The following TEK variants were observed in gnomAD, a reference collection of about 807,000 sequenced individuals.
TEK encodes the protein TEK receptor tyrosine kinase, also known as angiopoietin-1 receptor.
TEK carries 43 observed loss-of-function variants against 131.8 expected under a neutral mutation model. The observed-to-expected ratio is 0.33, with a 90% confidence interval of 0.26 to 0.42. The LOEUF is 0.42. Ranked by LOEUF, TEK falls within the 10% of genes least tolerant of loss-of-function variation. The probability of loss-of-function intolerance (pLI) is 1.00; values close to 1 mark genes in which losing one functional copy is unlikely to be tolerated. For missense variants in TEK, 1,162 were observed against 1,384.4 expected, an observed-to-expected ratio of 0.84 and a Z score of 2.55; for synonymous variants, 580 against 491.6, an observed-to-expected ratio of 1.18 and a Z score of -2.38.
At chr9:27,158,776 C>T (rs1823437372) in intron 2 of TEK, among the ~76,000 whole-genome samples, 1 of 151,748 alleles carries the variant, frequency 6.6e-6, no homozygotes, top group Non-Finnish European at 1.5e-5. Flanking sequence ...TCTTCTGCCT[C>T]AGCCTCCCAA....
In TEK at chr9:27,153,881, C is replaced by T. The variant is rs190992930; in HGVS notation, c.53-3950C>T. Among the ~76,000 whole-genome samples, 279 of 152,290 alleles carry T rather than the reference C, an allele frequency of 1.8e-3. 3 individuals carry two copies. The highest frequency in any genetic ancestry group is 6.6e-3 in the African/African-American group (275 of 41,572). On this transcript the variant is annotated intron_variant, in intron 1 of 22. Transcript: ENST00000380036. Reference sequence around the variant, plus strand: ...CACGGACCACAGTTGTACTCGTTGTCGTGGAGCCTCTGCTCTATTCTTTCT... The same window carrying T: ...CACGGACCACAGTTGTACTCGTTGTTGTGGAGCCTCTGCTCTATTCTTTCT...
chr9:27,129,440 C>A (rs1175773519), intron 1 of TEK, among the ~76,000 whole-genome samples: 1 of 152,162 alleles, frequency 6.6e-6, no homozygotes, highest in Non-Finnish European at 1.5e-5. Flanking sequence ...CCCTACTATT[C>A]CTGGAAATTC....
At chr9:27,228,872 C>A (rs887134228) in intron 22 of TEK, among the ~76,000 whole-genome samples, 2 of 152,052 alleles carry the variant, frequency 1.3e-5, no homozygotes, top group African/African-American at 4.8e-5. Flanking sequence ...GAAGAAGGAA[C>A]CCTAGGGAAG....
rs541904224 is a variant in TEK at position 27,176,500 on chromosome 9, A to G, written c.901+3138A>G. Among the ~76,000 whole-genome samples the G allele has an allele frequency of 3.3e-5, 5 of 152,370 alleles. No homozygotes were observed. In the East Asian group the frequency reaches 7.7e-4, roughly 23 times the overall value. ...CTTATTAATAGTTCTTAACCTTTCT[A>G]CCATCTGCTTTGAGTAAGAAGTTGT... On this transcript the variant is annotated intron_variant, in intron 6 of 22. Transcript: ENST00000380036.
At position 27,192,516 on chromosome 9, in the gene TEK, A is replaced by T; in HGVS notation, c.1517A>T (p.Tyr506Phe). The T allele has an allele frequency of 6.2e-7, 1 of 1,613,992 alleles. No homozygotes were observed. The highest frequency in any genetic ancestry group is 1.3e-5 in the African/African-American group (1 of 75,022). ...ACAAATGAGATTGTTACACTCAACTATTTGGAACCTCGGACAGAATATGAA... is the reference window on the plus strand; with the variant it reads ...ACAAATGAGATTGTTACACTCAACTTTTTGGAACCTCGGACAGAATATGAA... ...QVTNEIVTLNYLEPRTEYELC... is the reference protein window; with the variant it reads ...QVTNEIVTLNFLEPRTEYELC... The change falls in exon 11 of 23, where the codon TAT becomes TTT. Residue 506 changes from tyrosine (Y) to phenylalanine (F), a missense_variant. Tyr to Phe is a conservative substitution (Grantham distance 22). Coordinates refer to ENST00000380036, the MANE Select transcript of TEK (RefSeq NM_000459.5).
intron 12 of TEK, among the ~76,000 whole-genome samples, chr9:27,201,636 C>G (rs1010561770): frequency 2.0e-5 from 3 of 152,124 alleles, no homozygotes; most frequent in Non-Finnish European, 4.4e-5. Flanking sequence ...ATACCTAATT[C>G]TCATAAATTG....
At position 27,190,593 on chromosome 9, in the gene TEK, C is replaced by T; in HGVS notation, c.1392C>T (p.Asn464=). 14 of 1,614,074 alleles carry T rather than the reference C, an allele frequency of 8.7e-6. No individual in the cohort carries two copies. The highest frequency in any genetic ancestry group is 1.1e-5 in the Non-Finnish European group (13 of 1,179,926). ...CTGGACATAACTTTGCTGTCATCAA[C>T]ATCAGCTCTGAGCCTTACTTTGGGG... ...IDTGHNFAVI[N]ISSEPYFGDG... The change falls in exon 10 of 23, where the codon AAC becomes AAT. Residue 464 remains asparagine, a synonymous_variant. Coordinates refer to ENST00000380036, the MANE Select transcript of TEK (RefSeq NM_000459.5).
At chr9:27,227,372 G>A (rs1439098429) in intron 21 of TEK, among the ~76,000 whole-genome samples, 1 of 152,198 alleles carries the variant, frequency 6.6e-6, no homozygotes, top group Non-Finnish European at 1.5e-5. Flanking sequence ...GATGCAAGGG[G>A]AAAGGAGTTC....
Position 27,203,134 on chromosome 9 carries a change from C to CAAGTATTT in TEK, c.2209+17_2209+24dup. The stretch of plus-strand genomic sequence containing the variant: ...AGAATCTCAAGGTTGGTTGAATGGA[C>CAAGTATTT]AAGTATTTACATAGGATTACCGTGC... On this transcript the variant is annotated intron_variant, in intron 13 of 22. Transcript: ENST00000380036. The CAAGTATTT allele has an allele frequency of 6.2e-7, 1 of 1,613,586 alleles. No individual in the cohort carries two copies. Among genetic ancestry groups the CAAGTATTT allele is most frequent in the Non-Finnish European group, 8.5e-7 (1 of 1,179,652 alleles).
chr9:27,203,036 A>T lies in TEK; in HGVS notation c.2126A>T (p.Gln709Leu). 6.2e-7 allele frequency: 1 copy of T among 1,614,150 alleles called. No individual in the cohort carries two copies. The highest frequency in any genetic ancestry group is 1.1e-5 in the South Asian group (1 of 91,082). Residue 709 changes from glutamine (Q) to leucine (L), a missense_variant, in exon 13 of 23, where the codon CAG becomes CTG. Gln to Leu is a moderately radical substitution (Grantham distance 113). This residue lies in a region of TEK where 477 missense variants were observed against 471.0 expected (regional missense o/e 1.01). Coordinates refer to ENST00000380036, the MANE Select transcript of TEK (RefSeq NM_000459.5). The stretch of plus-strand genomic sequence containing the variant: ...GGCCTAGAGCCTGAAACAGCATACC[A>T]GGTGGACATTTTTGCAGAGAACAAC... ...LKGLEPETAY[Q>L]VDIFAENNIG...
At chr9:27,183,685 G>T in intron 8 of TEK, 75 bp downstream of exon 8, 1 of 1,554,684 alleles carries the variant, frequency 6.4e-7, no homozygotes, top group Non-Finnish European at 8.9e-7. Flanking sequence ...CTAAATGATA[G>T]ATACCATTCA....
At chr9:27,143,975 G>C (rs1347368206) in intron 1 of TEK, among the ~76,000 whole-genome samples, 2 of 152,162 alleles carry the variant, frequency 1.3e-5, no homozygotes, top group Non-Finnish European at 2.9e-5. Flanking sequence ...CAGACAGGGA[G>C]TATAGCTCAT....
chr9:27,229,291 C>G lies in TEK; in HGVS notation c.*59C>G, dbSNP rs1826469892. On this transcript the variant is annotated 3_prime_UTR_variant, in exon 23 of 23. Coordinates refer to ENST00000380036, the MANE Select transcript of TEK (RefSeq NM_000459.5). ...CACTGGCATGGGAGACCCTTGACACCTGCTGAGAAAACATGCCTCTGCCAA... is the reference window on the plus strand; with the variant it reads ...CACTGGCATGGGAGACCCTTGACACGTGCTGAGAAAACATGCCTCTGCCAA... The G allele has an allele frequency of 2.0e-6, 3 of 1,534,720 alleles. No individual in the cohort carries two copies. Among genetic ancestry groups the G allele is most frequent in the South Asian group, 1.1e-5 (1 of 89,554 alleles).
intron 1 of TEK, among the ~76,000 whole-genome samples, chr9:27,115,127 T>C (rs1821499081): frequency 6.6e-6 from 1 of 152,178 alleles, no homozygotes; most frequent in African/African-American, 2.4e-5. Context: ...ATAAAGGTAT[T>C]TACAAAATCT....
chr9:27,228,898 G>C (rs1303808189), intron 22 of TEK, among the ~76,000 whole-genome samples: 1 of 152,110 alleles, frequency 6.6e-6, no homozygotes, highest in African/African-American at 2.4e-5. Flanking sequence ...CACATTAGGA[G>C]GTACCAATAA....
At chr9:27,219,143 G>C (rs1310681496) in intron 20 of TEK, among the ~76,000 whole-genome samples, 1 of 152,042 alleles carries the variant, frequency 6.6e-6, no homozygotes, top group Non-Finnish European at 1.5e-5. Context: ...CCATTTAATA[G>C]CATGTGAAAA....
Position 27,173,379 on chromosome 9 carries a change from C to G in TEK, c.901+17C>G, listed in dbSNP as rs767457409. On this transcript the variant is annotated intron_variant, in intron 6 of 22. Transcript: ENST00000380036. ...GCAATGAAGGTATGCACCAATCACA[C>G]CCTTGGACAGAGGATGTTCTAGCAG... is the stretch of plus-strand genomic sequence containing the variant. The G allele has an allele frequency of 1.2e-6, 2 of 1,613,660 alleles. No individual in the cohort carries two copies. Among genetic ancestry groups the G allele is most frequent in the South Asian group, 1.1e-5 (1 of 91,072 alleles).
intron 1 of TEK, among the ~76,000 whole-genome samples, chr9:27,117,218 G>A (rs1049675618): frequency 3.3e-5 from 5 of 152,076 alleles, no homozygotes; most frequent in African/African-American, 7.2e-5. Flanking sequence ...AACAGCCTCC[G>A]GGCCTGACAC....
At chr9:27,119,893 G>A (rs1338039440) in intron 1 of TEK, among the ~76,000 whole-genome samples, 7 of 151,634 alleles carry the variant, frequency 4.6e-5, no homozygotes, top group Admixed American at 2.6e-4. Flanking sequence ...GCACATGCGT[G>A]TGTGTGTGTG....
Sources: gnomAD v4.1 joint callset for allele counts (sites outside exome capture counted in the v4.1 genomes callset) on GRCh38, gnomAD v4.1.1 for gene constraint, gnomAD v4.1.1 regional missense constraint, MANE v1.5 for transcripts, NCBI Gene and HGNC (gene_info 2026-07-23, HGNC 2026-07-21) for gene names.